Variants in STOX2 observed in about 807,000 individuals in gnomAD.
STOX2 encodes storkhead-box protein 2.
Under a neutral mutation model 60.9 loss-of-function variants are expected in STOX2, and 28 were observed. The observed-to-expected ratio is 0.46, with a 90% CI of 0.34 to 0.63. The LOEUF is 0.63. Ranked by LOEUF, STOX2 falls within the 30% of genes least tolerant of loss-of-function variation. STOX2 has a pLI of 0.01. For synonymous variants in STOX2, 472 were observed against 463.9 expected, an observed-to-expected ratio of 1.02 and a Z score of -0.22; for missense variants, 1,024 against 1,187.7, an observed-to-expected ratio of 0.86 and a Z score of 2.03.
chr4:183,891,642 A>G (rs2111183286), intron 1 of STOX2, among the ~76,000 whole-genome samples: 1 of 151,786 alleles, frequency 6.6e-6, no homozygotes, highest in South Asian at 2.1e-4. Context: ...TAAAAGGCCA[A>G]AAATTGGGGT....
chr4:183,904,303 T>TG (rs1741531323), upstream of STOX2, among the ~76,000 whole-genome samples: 1 of 152,208 alleles, frequency 6.6e-6, no homozygotes, highest in Non-Finnish European at 1.5e-5. Context: ...TAAATATCTG[T>TG]GGGGTAGGTA....
chr4:183,918,868 C>T (rs1490741656), intron 1 of STOX2, among the ~76,000 whole-genome samples: 1 of 152,222 alleles, frequency 6.6e-6, no homozygotes, highest in Admixed American at 6.5e-5. Flanking sequence ...TGGGTTTTCC[C>T]TCCTGCACAC....
intron 1 of STOX2, among the ~76,000 whole-genome samples, chr4:183,861,513 C>G (rs552099695): frequency 1.8e-4 from 27 of 152,300 alleles, no homozygotes; most frequent in African/African-American, 6.3e-4. Flanking sequence ...ACGTGAGAAG[C>G]GACTTTCAGG....
intron 1 of STOX2, among the ~76,000 whole-genome samples, chr4:183,830,902 A>ATT (rs111449132): frequency 5.7e-5 from 8 of 139,764 alleles, no homozygotes; most frequent in Non-Finnish European, 9.4e-5. Context: ...CATTTTTAGA[A>ATT]TTTTTTTTTT....
In STOX2 at chr4:183,911,218, T is replaced by A. The variant is rs532367384; in HGVS notation, c.166+4262T>A. Among the ~76,000 whole-genome samples, 32 of 152,348 alleles carry A rather than the reference T, an allele frequency of 2.1e-4. No homozygotes were observed. The South Asian group carries it at 6.4e-3, about 31-fold the overall frequency. On this transcript the variant is annotated intron_variant, in intron 1 of 3. Coordinates refer to ENST00000308497, the MANE Select transcript of STOX2 (RefSeq NM_020225.3). ...AGGTGCCTCCTGTTTGTGGGAATAG[T>A]GCTCATTTTGCGATACAATCCTATT...
chr4:183,874,786 C>T (rs931408240), intron 1 of STOX2, among the ~76,000 whole-genome samples: 4 of 150,238 alleles, frequency 2.7e-5, no homozygotes, highest in African/African-American at 4.9e-5. Context: ...ATTAGCCGGG[C>T]GAGCTGGCAG....
intron 1 of STOX2, among the ~76,000 whole-genome samples, chr4:183,972,724 A>G (rs1400024689): frequency 6.6e-6 from 1 of 152,270 alleles, no homozygotes; most frequent in Non-Finnish European, 1.5e-5. Flanking sequence ...CTCTCATGAT[A>G]TAATAATCAA....
intron 1 of STOX2, among the ~76,000 whole-genome samples, chr4:183,926,803 G>A (rs1365242021): frequency 3.3e-5 from 5 of 152,012 alleles, no homozygotes; most frequent in African/African-American, 2.4e-5. Flanking sequence ...TGTATTTTTA[G>A]TAGAGACGGG....
chr4:183,869,148 A>G (rs11729441), intron 1 of STOX2, among the ~76,000 whole-genome samples: 57,706 of 152,058 alleles, frequency 0.38, 11,135 homozygotes, highest in Middle Eastern at 0.44. Context: ...GGTATGATGT[A>G]GACTCTTTTT....
upstream of STOX2, among the ~76,000 whole-genome samples, chr4:183,900,435 C>T (rs1190844703): frequency 6.6e-6 from 1 of 152,052 alleles, no homozygotes; most frequent in Non-Finnish European, 1.5e-5. Context: ...ATTCTAGATG[C>T]CATTAGGAAA....
intron 1 of STOX2, among the ~76,000 whole-genome samples, chr4:183,935,126 AGTTCT>A (rs1297472265): frequency 6.6e-6 from 1 of 152,244 alleles, no homozygotes; most frequent in Non-Finnish European, 1.5e-5. Context: ...TGTAAAATGG[AGTTCT>A]GTTCTAAGTG....
chr4:183,980,336 C>T (rs974939971), intron 1 of STOX2, among the ~76,000 whole-genome samples: 1 of 152,120 alleles, frequency 6.6e-6, no homozygotes, highest in African/African-American at 2.4e-5. Flanking sequence ...TACTTTTAAG[C>T]CAGCGAATAT....
chr4:183,843,873 A>G (rs1739926108), intron 1 of STOX2, among the ~76,000 whole-genome samples: 1 of 152,176 alleles, frequency 6.6e-6, no homozygotes, highest in Admixed American at 6.5e-5. Context: ...TTGTAATTAT[A>G]GTTGACCCAC....
chr4:183,822,348 G>A (rs1275871144), intron 1 of STOX2, among the ~76,000 whole-genome samples: 3 of 152,232 alleles, frequency 2.0e-5, no homozygotes, highest in Non-Finnish European at 4.4e-5. Context: ...ACTGGCATGG[G>A]GGATGGTTTT....
chr4:183,948,607 C>T (rs1460557094), intron 1 of STOX2, among the ~76,000 whole-genome samples: 2 of 128,096 alleles, frequency 1.6e-5, no homozygotes, highest in African/African-American at 2.9e-5. Context: ...TCTTGGCTCA[C>T]TGCAACCTCT....
chr4:183,913,636 T>C (rs954279699), intron 1 of STOX2, among the ~76,000 whole-genome samples: 1 of 152,138 alleles, frequency 6.6e-6, no homozygotes, highest in Admixed American at 6.5e-5. Context: ...CTGGGCATGG[T>C]GGCGCGTGCC....
At chr4:183,857,230 C>G (rs1740309170) in intron 1 of STOX2, among the ~76,000 whole-genome samples, 1 of 151,378 alleles carries the variant, frequency 6.6e-6, no homozygotes, top group African/African-American at 2.4e-5. Flanking sequence ...ACTGGTTATC[C>G]CACAGGACTG....
chr4:183,939,891 T>A (rs62339699), intron 1 of STOX2, among the ~76,000 whole-genome samples: 51,057 of 152,082 alleles, frequency 0.34, 10,324 homozygotes, highest in Middle Eastern at 0.57. Flanking sequence ...AGTTATGGTG[T>A]TTTCTTATTT....
rs1235667571 is a variant in STOX2, at chr4:184,021,434, C to A, written c.*4150C>A. ...AACAAATACATCTTGACACTTTTGT[C>A]CATTTTCATTAAAAAAAAAAAAGTT... is the stretch of plus-strand genomic sequence containing the variant. On this transcript the variant is annotated 3_prime_UTR_variant, in exon 4 of 4. Coordinates refer to ENST00000308497, the MANE Select transcript of STOX2 (RefSeq NM_020225.3). The A allele has an allele frequency of 9.0e-6, 1 of 111,068 alleles. No homozygotes were observed. Among genetic ancestry groups the A allele is most frequent in the African/African-American group, 3.4e-5 (1 of 29,140 alleles). The allele number at this position is 111,068 out of a possible 1,614,324, so 6.9% of individuals were successfully genotyped here.
Sources: gnomAD v4.1 joint callset for allele counts (sites outside exome capture counted in the v4.1 genomes callset) on GRCh38, gnomAD v4.1.1 for gene constraint, MANE v1.5 for transcripts, NCBI Gene and HGNC (gene_info 2026-07-23, HGNC 2026-07-21) for gene names.